The following ADAM28 variants were observed in gnomAD, a reference collection of about 807,000 sequenced individuals.
ADAM28 encodes disintegrin and metalloproteinase domain-containing protein 28.
ADAM28 carries 105 observed loss-of-function variants against 101.2 expected under a neutral mutation model. The observed-to-expected ratio is 1.04, with a 90% CI of 0.89 to 1.22. The LOEUF (loss-of-function observed/expected upper bound fraction) is 1.22. Ranked by LOEUF, ADAM28 falls within the 50% of genes most tolerant of loss-of-function variation. The pLI is 0.00. For missense variants in ADAM28, 1,028 were observed against 945.4 expected (o/e 1.09, Z -1.15); for synonymous variants, 322 against 310.6 (o/e 1.04, Z -0.39).
rs972172863 is a variant in ADAM28 at position 24,355,334 on chromosome 8, T to G, written c.*930T>G. 3 of 152,070 alleles carry G rather than the reference T, an allele frequency of 2.0e-5. No individual in the cohort carries two copies. Among genetic ancestry groups the G allele is most frequent in the Non-Finnish European group, 2.9e-5 (2 of 67,990 alleles). The allele number at this position is 152,070 out of a possible 1,614,324, so 9.4% of individuals were successfully genotyped here. Reference sequence around the variant, plus strand: ...TTGGTTTCCTACCAAATAATCCCCTTTTTCCTGGCTTTTAGAACAATAATT... The same window carrying G: ...TTGGTTTCCTACCAAATAATCCCCTGTTTCCTGGCTTTTAGAACAATAATT... On this transcript the variant is annotated 3_prime_UTR_variant, in exon 23 of 23. Coordinates refer to ENST00000265769, the MANE Select transcript of ADAM28 (RefSeq NM_014265.6).
chr8:24,319,159 C>G (rs535727901), intron 6 of ADAM28, among the ~76,000 whole-genome samples: 1 of 152,048 alleles, frequency 6.6e-6, no homozygotes, highest in African/African-American at 2.4e-5. Context: ...ACCTTGGAGT[C>G]TATTTACTCA....
At chr8:24,328,084 C>T (rs1046069091) in intron 10 of ADAM28, among the ~76,000 whole-genome samples, 1 of 151,842 alleles carries the variant, frequency 6.6e-6, no homozygotes, top group African/African-American at 2.4e-5. Flanking sequence ...TTTATATTTA[C>T]CATCACTTCA....
intron 6 of ADAM28, among the ~76,000 whole-genome samples, chr8:24,317,771 A>G (rs1275625121): frequency 6.6e-6 from 1 of 152,078 alleles, no homozygotes; most frequent in Non-Finnish European, 1.5e-5. Context: ...TGAGTGTCAA[A>G]TATATAGAGG....
At chr8:24,307,064 T>C (rs1443133557) in intron 2 of ADAM28, among the ~76,000 whole-genome samples, 4 of 152,240 alleles carry the variant, frequency 2.6e-5, no homozygotes, top group Non-Finnish European at 5.9e-5. Context: ...CACTGTCTTC[T>C]AGATATAAGC....
intron 2 of ADAM28, among the ~76,000 whole-genome samples, chr8:24,307,333 T>G (rs1201150689): frequency 3.3e-5 from 5 of 152,204 alleles, no homozygotes; most frequent in African/African-American, 9.6e-5. Flanking sequence ...TGTGTTGTTT[T>G]ATTATACAAC....
intron 9 of ADAM28, among the ~76,000 whole-genome samples, chr8:24,324,885 T>C (rs1812339081): frequency 6.6e-6 from 1 of 151,942 alleles, no homozygotes; most frequent in African/African-American, 2.4e-5. Flanking sequence ...TCAAGAGGCA[T>C]GAGATAATGC....
chr8:24,299,652 G>C (rs1290379315), intron 1 of ADAM28, among the ~76,000 whole-genome samples: 1 of 152,196 alleles, frequency 6.6e-6, no homozygotes, highest in Non-Finnish European at 1.5e-5. Flanking sequence ...TGCCTGAGCT[G>C]TTGCTATTTC....
At chr8:24,310,053 G>A in intron 3 of ADAM28, 83 bp downstream of exon 3, 1 of 1,485,022 alleles carries the variant, frequency 6.7e-7, no homozygotes, top group Non-Finnish European at 9.4e-7. Flanking sequence ...GCTGCTTATG[G>A]CTCACACAAA....
chr8:24,335,114 G>A (rs1813845377), intron 13 of ADAM28, among the ~76,000 whole-genome samples: 1 of 151,530 alleles, frequency 6.6e-6, no homozygotes, highest in Admixed American at 6.6e-5. Flanking sequence ...TGACAGAGAT[G>A]CATCCAACAA....
rs949171597 is a variant in ADAM28, at chr8:24,294,324, C to G, written c.46+129C>G. ...CTTTTTTCTCAATCAATCTTACTAA[C>G]CAGTTGGGCTGGTTTTAACCTGTTG... On this transcript the variant is annotated intron_variant, in intron 1 of 22. Transcript: ENST00000265769. 9 of 1,084,010 alleles carry G rather than the reference C, an allele frequency of 8.3e-6. No individual in the cohort carries two copies. In the African/African-American group the frequency reaches 1.4e-4, roughly 17 times the overall value. 67.1% of individuals were successfully genotyped at this position (1,084,010 alleles called of 1,614,324 possible). A position where few individuals can be genotyped will look rare whatever the true frequency, so the allele number is the denominator to read the frequency against.
chr8:24,320,386 T>C, intron 7 of ADAM28, 79 bp downstream of exon 7: 2 of 949,150 alleles, frequency 2.1e-6, no homozygotes, highest in Non-Finnish European at 3.3e-6. Context: ...ACATTAAATA[T>C]CTGGATGAGA....
At chr8:24,320,885 A>G (rs935048821) in intron 7 of ADAM28, among the ~76,000 whole-genome samples, 1 of 151,994 alleles carries the variant, frequency 6.6e-6, no homozygotes, top group Non-Finnish European at 1.5e-5. Flanking sequence ...TGTACTGTTC[A>G]TGTATGTGTC....
At chr8:24,309,254 T>C (rs1810109570) in intron 2 of ADAM28, among the ~76,000 whole-genome samples, 1 of 152,202 alleles carries the variant, frequency 6.6e-6, no homozygotes, top group African/African-American at 2.4e-5. Flanking sequence ...TTGATGGTTC[T>C]TCCTCACATT....
At chr8:24,341,512 T>C in intron 15 of ADAM28, 86 bp from the exon 16 acceptor site, 5 of 1,366,638 alleles carry the variant, frequency 3.7e-6, no homozygotes, top group Non-Finnish European at 5.1e-6. Context: ...CAGGGAAAAA[T>C]ACCATCAGTT....
chr8:24,330,105 A>G lies in ADAM28; in HGVS notation c.1093A>G (p.Lys365Glu). 1 of 1,613,300 alleles carries G rather than the reference A, an allele frequency of 6.2e-7. No individual in the cohort carries two copies. Among genetic ancestry groups the G allele is most frequent in the Non-Finnish European group, 8.5e-7 (1 of 1,179,490 alleles). ...KCPSTICVMD[K>E]ALSFYIPTDF... ...TCCTTCTACAATATGTGTGATGGACAAAGCACTGAGGTGAGGCTCTCTGGG... is the reference window on the plus strand; with the variant it reads ...TCCTTCTACAATATGTGTGATGGACGAAGCACTGAGGTGAGGCTCTCTGGG... Residue 365 changes from lysine (K) to glutamate (E), a missense_variant, in exon 11 of 23, where the codon AAA becomes GAA. Coordinates refer to ENST00000265769, the MANE Select transcript of ADAM28 (RefSeq NM_014265.6).
chr8:24,299,857 A>T, intron 1 of ADAM28, 117 bp from the exon 2 acceptor site: 2 of 694,222 alleles, frequency 2.9e-6, no homozygotes, highest in Non-Finnish European at 4.9e-6. Flanking sequence ...TCTGACATTC[A>T]TCACTTCAGG....
At chr8:24,343,643 T>C (rs1585718823) in intron 18 of ADAM28, 59 bp downstream of exon 18, 2 of 1,472,932 alleles carry the variant, frequency 1.4e-6, no homozygotes, top group East Asian at 4.6e-5. Context: ...AGCCTTTATT[T>C]TGTATTATAT....
intron 10 of ADAM28, among the ~76,000 whole-genome samples, chr8:24,329,238 C>T (rs1352200356): frequency 3.3e-5 from 5 of 152,100 alleles, no homozygotes; most frequent in Admixed American, 6.6e-5. Context: ...CCTTGTTTGC[C>T]ACTCTTGTAC....
Position 24,354,382 on chromosome 8 carries a change from A to G in ADAM28, c.2308-2A>G. On this transcript the variant is annotated splice_acceptor_variant, in intron 22 of 22. Transcript: ENST00000265769. LOFTEE classifies it high-confidence loss of function. ...ATCATTTAGAAGTTATGTCTTTTTT[A>G]GGACTCAAATCCAAAAGCATGAAGC... 1 of 1,540,864 alleles carries G rather than the reference A, an allele frequency of 6.5e-7. No individual in the cohort carries two copies. Among genetic ancestry groups the G allele is most frequent in the Non-Finnish European group, 8.8e-7 (1 of 1,140,388 alleles).
Sources: allele counts gnomAD v4.1 joint callset (sites outside exome capture counted in the v4.1 genomes callset), GRCh38; gene constraint gnomAD v4.1.1; transcripts MANE v1.5; gene names NCBI Gene and HGNC (gene_info 2026-07-23, HGNC 2026-07-21).